PPIG: variants seen among roughly 807,000 people sequenced by gnomAD.
PPIG encodes the protein peptidylprolyl isomerase G, also known as peptidyl-prolyl cis-trans isomerase G.
Under a neutral mutation model 87.9 loss-of-function variants are expected in PPIG, and 26 were observed. That is an observed-to-expected ratio of 0.30 (90% CI 0.22 to 0.41). The LOEUF is 0.41. PPIG is among the 10% of genes least tolerant of loss of function. The pLI, the probability that PPIG is intolerant of heterozygous loss-of-function variation, is 1.00. For missense variants in PPIG, 722 were observed against 879.4 expected, an observed-to-expected ratio of 0.82 and a Z score of 2.26; for synonymous variants, 308 against 276.5, an observed-to-expected ratio of 1.11 and a Z score of -1.13.
Position 169,619,066 on chromosome 2 carries a change from C to T in PPIG, c.547+4342C>T, listed in dbSNP as rs553789754. Among the ~76,000 whole-genome samples, 7 of 152,266 alleles carry T rather than the reference C, an allele frequency of 4.6e-5. No individual in the cohort carries two copies. The South Asian group carries it at 1.2e-3, about 27-fold the overall frequency. ...CTACTTTAGCTGTGTCCCAGAGATT[C>T]TGGTACGTTGTGTCTTTGTTCTCAT... On this transcript the variant is annotated intron_variant, in intron 9 of 13. Transcript: ENST00000260970.
At chr2:169,603,146 TATAAC>T (rs1245660453) in intron 1 of PPIG, among the ~76,000 whole-genome samples, 19 of 152,180 alleles carry the variant, frequency 1.2e-4, no homozygotes, top group East Asian at 1.2e-3. Context: ...TTTATTGAAA[TATAAC>T]ATAGCGTACA....
intron 4 of PPIG, among the ~76,000 whole-genome samples, 158 bp downstream of exon 4, chr2:169,604,419 A>G (rs1316152704): frequency 2.0e-5 from 3 of 146,908 alleles, no homozygotes; most frequent in Non-Finnish European, 4.4e-5. Context: ...ATCCTTACAC[A>G]TAAGCGTCCT....
intron 1 of PPIG, among the ~76,000 whole-genome samples, chr2:169,591,808 C>G (rs1166149191): frequency 3.3e-5 from 5 of 149,352 alleles, no homozygotes; most frequent in African/African-American, 1.2e-4. Context: ...AAAAATTTGT[C>G]TGGATTTTAG....
At chr2:169,626,426 A>G (rs1685889656) in intron 9 of PPIG, among the ~76,000 whole-genome samples, 1 of 152,078 alleles carries the variant, frequency 6.6e-6, no homozygotes, top group South Asian at 2.1e-4. Flanking sequence ...CGGAGTCTCA[A>G]TCTGTCTCCC....
intron 1 of PPIG, among the ~76,000 whole-genome samples, chr2:169,595,644 A>T (rs1684996096): frequency 2.6e-5 from 4 of 152,188 alleles, no homozygotes; most frequent in Admixed American, 1.3e-4. Flanking sequence ...TCCCACAAAT[A>T]AGTGAGAACA....
At chr2:169,628,233 A>T (rs1558899918) in intron 9 of PPIG, among the ~76,000 whole-genome samples, 1 of 152,190 alleles carries the variant, frequency 6.6e-6, no homozygotes, top group Non-Finnish European at 1.5e-5. Context: ...ATTTCCAGGC[A>T]CAGCTTGCGT....
At chr2:169,584,812 A>G in intron 1 of PPIG, 1 of 296,212 alleles carries the variant, frequency 3.4e-6, no homozygotes, top group South Asian at 2.7e-5. Flanking sequence ...ACAAGCTGTA[A>G]CATGGCGGCA....
intron 9 of PPIG, among the ~76,000 whole-genome samples, chr2:169,619,512 T>C (rs1685687407): frequency 6.6e-6 from 1 of 152,174 alleles, no homozygotes; most frequent in Non-Finnish European, 1.5e-5. Flanking sequence ...TCTAAGTCTC[T>C]TTGTAGGTCT....
At chr2:169,629,640 T>G (rs2105517073) in intron 9 of PPIG, among the ~76,000 whole-genome samples, 2 of 152,346 alleles carry the variant, frequency 1.3e-5, no homozygotes, top group African/African-American at 4.8e-5. Flanking sequence ...GTAATGTTGA[T>G]CAGATGCAGT....
intron 7 of PPIG, among the ~76,000 whole-genome samples, chr2:169,613,997 A>G (rs1179470488): frequency 1.3e-5 from 2 of 152,244 alleles, no homozygotes; most frequent in African/African-American, 2.4e-5. Context: ...GTCCAACAGT[A>G]TATGTCTGAG....
At chr2:169,595,557 C>G (rs1017438187) in intron 1 of PPIG, among the ~76,000 whole-genome samples, 7 of 152,218 alleles carry the variant, frequency 4.6e-5, no homozygotes, top group East Asian at 3.9e-4. Flanking sequence ...CTTCCAGTCC[C>G]CATTACCCTC....
At chr2:169,597,297 T>G (rs1685045226) in intron 1 of PPIG, among the ~76,000 whole-genome samples, 1 of 152,084 alleles carries the variant, frequency 6.6e-6, no homozygotes, top group African/African-American at 2.4e-5. Context: ...AAATACATAC[T>G]TGTAAAATTT....
At chr2:169,610,249 T>A (rs977820270) in intron 7 of PPIG, among the ~76,000 whole-genome samples, 1 of 152,230 alleles carries the variant, frequency 6.6e-6, no homozygotes, top group Non-Finnish European at 1.5e-5. Context: ...ATTCCTAGAA[T>A]GAACAGTTGC....
At chr2:169,616,109 T>C (rs1362694751) in intron 9 of PPIG, among the ~76,000 whole-genome samples, 1 of 152,230 alleles carries the variant, frequency 6.6e-6, no homozygotes, top group Non-Finnish European at 1.5e-5. Flanking sequence ...TTTGGTTTTC[T>C]GTTCCTGTGT....
At position 169,630,804 on chromosome 2, in the gene PPIG, C is replaced by T; in HGVS notation, c.578C>T (p.Ser193Leu). The change falls in exon 10 of 14, where the codon TCA (serine) becomes TTA (leucine). Residue 193 changes from serine to leucine, a missense_variant. Around this residue, in one of 4 missense-constraint regions of PPIG, gnomAD observed 142 missense variants for 152.8 expected, o/e 0.93. Coordinates refer to ENST00000260970, the MANE Select transcript of PPIG (RefSeq NM_004792.3). Reference sequence around the variant, plus strand: ...AAAGAAGAAAAGAAAAGGCATAAATCATCATCATCTTCCTCCTCCTCATCT... The same window carrying T: ...AAAGAAGAAAAGAAAAGGCATAAATTATCATCATCTTCCTCCTCCTCATCT... Reference protein sequence around the residue: ...VKKEEKKRHKSSSSSSSSSSD... With the variant: ...VKKEEKKRHKLSSSSSSSSSD... 6.2e-7 allele frequency: 1 copy of T among 1,607,084 alleles called. No individual in the cohort carries two copies. Among genetic ancestry groups the T allele is most frequent in the Non-Finnish European group, 8.5e-7 (1 of 1,178,200 alleles).
intron 9 of PPIG, among the ~76,000 whole-genome samples, chr2:169,624,743 A>G (rs867235187): frequency 6.6e-6 from 1 of 151,812 alleles, no homozygotes; most frequent in Non-Finnish European, 1.5e-5. Flanking sequence ...GCCCACCACC[A>G]CGCCCGGCTA....
At chr2:169,609,846 G>C (rs921292546) in intron 7 of PPIG, among the ~76,000 whole-genome samples, 1 of 152,160 alleles carries the variant, frequency 6.6e-6, no homozygotes, top group Non-Finnish European at 1.5e-5. Context: ...GGTGATTTCA[G>C]TGAGAAACTA....
chr2:169,632,212 T>A (rs1686075452), intron 11 of PPIG, among the ~76,000 whole-genome samples: 1 of 152,246 alleles, frequency 6.6e-6, no homozygotes, highest in Non-Finnish European at 1.5e-5. Flanking sequence ...CAAGATACTC[T>A]TTAACCAGTA....
chr2:169,595,052 C>T (rs1319363455), intron 1 of PPIG, among the ~76,000 whole-genome samples: 3 of 152,156 alleles, frequency 2.0e-5, no homozygotes, highest in Non-Finnish European at 2.9e-5. Context: ...CCTCAGCCTC[C>T]TGAGTAACTG....
Sources: gnomAD v4.1 joint callset for allele counts (sites outside exome capture counted in the v4.1 genomes callset) on GRCh38, gnomAD v4.1.1 for gene constraint, gnomAD v4.1.1 regional missense constraint, MANE v1.5 for transcripts, NCBI Gene and HGNC (gene_info 2026-07-23, HGNC 2026-07-21) for gene names.